The following PLEKHM2 variants were observed in gnomAD, a reference collection of about 807,000 sequenced individuals.
The protein encoded by PLEKHM2 is pleckstrin homology and RUN domain containing M2, also known as pleckstrin homology domain-containing family M member 2.
A neutral mutation model predicts 116.3 loss-of-function variants in PLEKHM2; 77 were observed. That is an observed-to-expected ratio of 0.66 (90% CI 0.55 to 0.80). The LOEUF (loss-of-function observed/expected upper bound fraction) is 0.80. Among genes scored for constraint, PLEKHM2 ranks in the 30% least tolerant of loss-of-function variants. The pLI, the probability that PLEKHM2 is intolerant of heterozygous loss-of-function variation, is 0.00. For synonymous variants in PLEKHM2, 562 were observed against 571.0 expected (o/e 0.98, Z 0.22); for missense variants, 1,183 against 1,354.9 (o/e 0.87, Z 1.99).
chr1:15,722,213 G>A (rs2068004947), intron 7 of PLEKHM2, among the ~76,000 whole-genome samples: 1 of 152,172 alleles, frequency 6.6e-6, no homozygotes, highest in South Asian at 2.1e-4. Context: ...GTGTGATCTT[G>A]GCTTACTGTA....
chr1:15,732,335 C>T lies in PLEKHM2; in HGVS notation c.2626-15C>T, dbSNP rs757040654. ...CTGGAGGCCCCAGCCTGCCTCTCCCCTGCCCCGCTGCCAGGTCATCCCCCA... is the reference window on the plus strand; with the variant it reads ...CTGGAGGCCCCAGCCTGCCTCTCCCTTGCCCCGCTGCCAGGTCATCCCCCA... On this transcript the variant is annotated splice_polypyrimidine_tract_variant and intron_variant, in intron 17 of 19. Transcript: ENST00000375799. 6.5e-7 allele frequency: 1 copy of T among 1,546,678 alleles called. No homozygotes were observed. Among genetic ancestry groups the T allele is most frequent in the Non-Finnish European group, 8.7e-7 (1 of 1,144,494 alleles).
At chr1:15,697,576 C>G (rs2148336846) in intron 1 of PLEKHM2, among the ~76,000 whole-genome samples, 1 of 152,314 alleles carries the variant, frequency 6.6e-6, no homozygotes, top group Middle Eastern at 3.4e-3. Flanking sequence ...TTTCCTACAC[C>G]ACAAAGAAAG....
In PLEKHM2 at chr1:15,690,737, T is replaced by G. The variant is rs570090081; in HGVS notation, c.60+6119T>G. Among the ~76,000 whole-genome samples the G allele has an allele frequency of 1.5e-4, 23 of 152,328 alleles. No homozygotes were observed. In the South Asian group the frequency reaches 4.8e-3, roughly 32 times the overall value. On this transcript the variant is annotated intron_variant, in intron 1 of 19. Transcript: ENST00000375799. ...ATGTGGACACTTGTAAATCCCATCA[T>G]GTGTCCCTGTATTCAGTTATTCAAA...
chr1:15,729,518 C>T lies in PLEKHM2; in HGVS notation c.2076-279C>T, dbSNP rs1204376521. Among the ~76,000 whole-genome samples, 1 of 152,176 alleles carries T rather than the reference C, an allele frequency of 6.6e-6. No homozygotes were observed. Among genetic ancestry groups the T allele is most frequent in the Non-Finnish European group, 1.5e-5 (1 of 68,028 alleles). On this transcript the variant is annotated intron_variant, in intron 13 of 19. Coordinates refer to ENST00000375799, the MANE Select transcript of PLEKHM2 (RefSeq NM_015164.4). This position sits in a 1 kb window ranked among gnomAD's most constrained non-coding sequence, Gnocchi z 4.7. Reference sequence around the variant, plus strand: ...TGCATCCTTGTCGTGGCTCAAGGTCCCACCCGTTGACGTCCTGCCCACCCT... The same window carrying T: ...TGCATCCTTGTCGTGGCTCAAGGTCTCACCCGTTGACGTCCTGCCCACCCT...
chr1:15,684,896 C>T (rs1002326695), intron 1 of PLEKHM2, among the ~76,000 whole-genome samples: 1 of 152,122 alleles, frequency 6.6e-6, no homozygotes. Context: ...GGGTCAGCGA[C>T]CCTCCGGTCC....
intron 1 of PLEKHM2, among the ~76,000 whole-genome samples, chr1:15,713,594 C>A (rs1249292293): frequency 6.6e-6 from 1 of 152,046 alleles, no homozygotes; most frequent in Non-Finnish European, 1.5e-5. Flanking sequence ...AATTATAATT[C>A]AAGAGAATGA....
Position 15,727,020 on chromosome 1 carries a change from CAAG to C in PLEKHM2, c.957_959del (p.Lys320del), listed in dbSNP as rs1362688310. ...CCCGTCGTTACTGTCCCAGGGTCAC[CAAG>C]AAGAAGAAAATTGGCAAGAAGAAAA... On this transcript the variant is annotated inframe_deletion, in exon 9 of 20. Coordinates refer to ENST00000375799, the MANE Select transcript of PLEKHM2 (RefSeq NM_015164.4). This position sits in a 1 kb window ranked among gnomAD's most constrained non-coding sequence, Gnocchi z 7.5. 1.4e-6 allele frequency: 2 copies of C among 1,471,760 alleles called. No individual in the cohort carries two copies. The highest frequency in any genetic ancestry group is 2.6e-5 in the Admixed American group (1 of 38,088). The allele number at this position is 1,471,760 out of a possible 1,614,324, so 91.2% of individuals were successfully genotyped here. A position where few individuals can be genotyped will look rare whatever the true frequency, so the allele number is the denominator to read the frequency against.
At position 15,684,358 on chromosome 1, in the gene PLEKHM2, G is replaced by A. The variant is rs1640712447; in HGVS notation, c.-201G>A. 6.3e-6 allele frequency: 1 copy of A among 158,132 alleles called. No homozygotes were observed. Among genetic ancestry groups the A allele is most frequent in the Non-Finnish European group, 1.3e-5 (1 of 76,178 alleles). The allele number at this position is 158,132 out of a possible 1,614,324, so 9.8% of individuals were successfully genotyped here. A position where few individuals can be genotyped will look rare whatever the true frequency, so the allele number is the denominator to read the frequency against. ...CCTCCTTCCCCGCCGGCCGCGCTCC[G>A]GAGCCTCCGGGCCGCGGTGGAGCGA... On this transcript the variant is annotated 5_prime_UTR_variant, in exon 1 of 20. Coordinates refer to ENST00000375799, the MANE Select transcript of PLEKHM2 (RefSeq NM_015164.4).
chr1:15,716,349 G>A lies in PLEKHM2; in HGVS notation c.167+6G>A. On this transcript the variant is annotated splice_donor_region_variant and intron_variant, in intron 2 of 19. Coordinates refer to ENST00000375799, the MANE Select transcript of PLEKHM2 (RefSeq NM_015164.4). ...GACCACGCCCTGCTGTACGGGTAAG[G>A]TGGAGGAAGTTTCCAAAGATGACGG... The A allele has an allele frequency of 6.4e-7, 1 of 1,558,660 alleles. No individual in the cohort carries two copies. Among genetic ancestry groups the A allele is most frequent in the Non-Finnish European group, 8.8e-7 (1 of 1,141,908 alleles).
At chr1:15,693,101 C>T (rs1042582793) in intron 1 of PLEKHM2, among the ~76,000 whole-genome samples, 6 of 149,512 alleles carry the variant, frequency 4.0e-5, no homozygotes, top group South Asian at 2.1e-4. Context: ...AGGGCAGTGG[C>T]GCAATCTCGG....
At chr1:15,689,953 G>A (rs995687441) in intron 1 of PLEKHM2, among the ~76,000 whole-genome samples, 3 of 151,734 alleles carry the variant, frequency 2.0e-5, no homozygotes, top group South Asian at 2.1e-4. Context: ...ACAGGGTTTC[G>A]CCATGTTGGC....
intron 1 of PLEKHM2, among the ~76,000 whole-genome samples, chr1:15,714,236 G>A (rs926239578): frequency 2.0e-5 from 3 of 151,542 alleles, no homozygotes; most frequent in Non-Finnish European, 4.4e-5. Flanking sequence ...CACCACACCC[G>A]GCCCTGTTTT....
chr1:15,689,216 G>C (rs1640838053), intron 1 of PLEKHM2, among the ~76,000 whole-genome samples: 1 of 146,298 alleles, frequency 6.8e-6, no homozygotes, highest in African/African-American at 2.6e-5. Context: ...TTGCACTCCA[G>C]CCTGGGCAAA....
chr1:15,725,423 C>G lies in PLEKHM2; in HGVS notation c.819C>G (p.Asn273Lys). The change falls in exon 8 of 20, where the codon AAC becomes AAG. Residue 273 changes from asparagine to lysine, a missense_variant. Asn to Lys is a moderately conservative substitution (Grantham distance 94, BLOSUM62 0). Transcript: ENST00000375799. ...CCACCCAGCGCCAGAACCCCTTCAA[C>G]GAGGAGCCGGCAGAGACTGTGTCCT... ...RSPTQRQNPFNEEPAETVSSS... is the reference protein window; with the variant it reads ...RSPTQRQNPFKEEPAETVSSS... 6.4e-7 allele frequency: 1 copy of G among 1,557,824 alleles called. No individual in the cohort carries two copies. The highest frequency in any genetic ancestry group is 1.9e-5 in the Admixed American group (1 of 51,808).
chr1:15,731,042 C>A (rs1218766857), intron 15 of PLEKHM2, 150 bp from the exon 16 acceptor site: 4 of 670,320 alleles, frequency 6.0e-6, no homozygotes. Flanking sequence ...CCCTTCTTCA[C>A]CCTGCCTTCC....
chr1:15,698,705 A>T (rs1450687549), intron 1 of PLEKHM2, among the ~76,000 whole-genome samples: 1 of 149,812 alleles, frequency 6.7e-6, no homozygotes, highest in Non-Finnish European at 1.5e-5. Flanking sequence ...GCACCACCAC[A>T]CCTGGCTAAT....
At chr1:15,704,992 C>T (rs998610825) in intron 1 of PLEKHM2, among the ~76,000 whole-genome samples, 63 of 151,986 alleles carry the variant, frequency 4.1e-4, no homozygotes, top group African/African-American at 1.5e-3. Flanking sequence ...GAAAGGGGCC[C>T]GGGCATTGTT....
chr1:15,719,858 T>G lies in PLEKHM2; in HGVS notation c.590T>G (p.Phe197Cys), dbSNP rs1196866843. Reference protein sequence around the residue: ...HGSDSLSLNSFNSVTSTNLEW... With the variant: ...HGSDSLSLNSCNSVTSTNLEW... ...TCAGACAGTCTGTCCCTCAACTCTTTCAACTCCGTCACCTCCACCAACCTG... is the reference window on the plus strand; with the variant it reads ...TCAGACAGTCTGTCCCTCAACTCTTGCAACTCCGTCACCTCCACCAACCTG... Residue 197 changes from phenylalanine (F) to cysteine (C), a missense_variant, in exon 6 of 20, where the codon TTC becomes TGC. By Grantham distance (205) the Phe-to-Cys change is radical (BLOSUM62 -2). Transcript: ENST00000375799. This position sits in a 1 kb window ranked among gnomAD's most constrained non-coding sequence, Gnocchi z 4.1. 6.2e-7 allele frequency: 1 copy of G among 1,613,622 alleles called. No individual in the cohort carries two copies. The highest frequency in any genetic ancestry group is 1.3e-5 in the African/African-American group (1 of 74,896).
chr1:15,702,571 C>G (rs1248754700), intron 1 of PLEKHM2, among the ~76,000 whole-genome samples: 2 of 152,190 alleles, frequency 1.3e-5, no homozygotes, highest in East Asian at 1.9e-4. Flanking sequence ...ATGTGCACCA[C>G]CACGCCCAGC....
Sources: allele counts gnomAD v4.1 joint callset (sites outside exome capture counted in the v4.1 genomes callset), GRCh38; gene constraint gnomAD v4.1.1; non-coding constraint Gnocchi (gnomAD v3.1); transcripts MANE v1.5; gene names NCBI Gene and HGNC (gene_info 2026-07-23, HGNC 2026-07-21).